Variants in GPRC5A observed in about 807,000 individuals in gnomAD.
GPRC5A encodes the protein G protein-coupled receptor class C group 5 member A.
GPRC5A carries 19 observed loss-of-function variants against 22.5 expected under a neutral mutation model. The ratio of observed to expected loss-of-function variants is 0.85; its 90% CI spans 0.59 to 1.24. GPRC5A has a LOEUF of 1.24. Ranked by LOEUF, GPRC5A falls within the 50% of genes most tolerant of loss-of-function variation. GPRC5A has a pLI of 0.00. For missense variants in GPRC5A, 471 were observed against 451.1 expected (o/e 1.04, Z -0.40); for synonymous variants, 192 against 184.5 (o/e 1.04, Z -0.33).
chr12:12,894,509 A>G (rs950225765), intron 1 of GPRC5A, among the ~76,000 whole-genome samples: 2 of 152,006 alleles, frequency 1.3e-5, no homozygotes, highest in Admixed American at 6.6e-5. Context: ...CCCAAGCTCA[A>G]GTGATCCTCT....
intron 1 of GPRC5A, among the ~76,000 whole-genome samples, chr12:12,898,089 C>T (rs756096278): frequency 2.0e-5 from 3 of 152,192 alleles, no homozygotes; most frequent in African/African-American, 7.2e-5. Context: ...AACCCATATG[C>T]CCACGGTGCA....
chr12:12,894,274 G>A (rs952464405), intron 1 of GPRC5A, among the ~76,000 whole-genome samples: 1 of 152,124 alleles, frequency 6.6e-6, no homozygotes, highest in African/African-American at 2.4e-5. Context: ...TTCTATTTAA[G>A]TATCCATAGA....
chr12:12,912,182 C>G, intron 3 of GPRC5A, 40 bp downstream of exon 3: 1 of 1,360,902 alleles, frequency 7.3e-7, no homozygotes. Context: ...AAGGCATTAG[C>G]ACCTCAGGAA....
chr12:12,906,925 C>T lies in GPRC5A; in HGVS notation c.-7-1318C>T, dbSNP rs531238598. ...ATACAAAATTAGCTGGGCATGTTGG[C>T]GCGTGCCTGTAATCTCAGCTACTCA... is the stretch of plus-strand genomic sequence containing the variant. On this transcript the variant is annotated intron_variant, in intron 1 of 3. Coordinates refer to ENST00000014914, the MANE Select transcript of GPRC5A (RefSeq NM_003979.4). Among the ~76,000 whole-genome samples the T allele has an allele frequency of 8.0e-4, 121 of 152,114 alleles. 1 individual carries two copies. Among genetic ancestry groups the T allele is most frequent in the Admixed American group, 6.4e-3 (98 of 15,270 alleles).
rs141571845 is a variant in GPRC5A at position 12,913,347 on chromosome 12, C to G, written c.*808C>G. On this transcript the variant is annotated 3_prime_UTR_variant, in exon 4 of 4. Transcript: ENST00000014914. ...TCACCCCTCTCTTCTTGCACTGTCCCCAAACTTGCTGTCAATTCCGAGATC... is the reference window on the plus strand; with the variant it reads ...TCACCCCTCTCTTCTTGCACTGTCCGCAAACTTGCTGTCAATTCCGAGATC... 834 of 152,828 alleles carry G rather than the reference C, an allele frequency of 5.5e-3. 6 individuals carry two copies. Among genetic ancestry groups the G allele is most frequent in the African/African-American group, 0.019 (777 of 41,514 alleles). The allele number at this position is 152,828 out of a possible 1,614,324, so 9.5% of individuals were successfully genotyped here.
At chr12:12,892,947 C>G (rs929614692) in intron 1 of GPRC5A, among the ~76,000 whole-genome samples, 2 of 152,036 alleles carry the variant, frequency 1.3e-5, no homozygotes, top group Admixed American at 6.6e-5. Context: ...GTTTGCATGC[C>G]GGTGTCTGCT....
At chr12:12,911,707 C>CTA (rs1468162048) in intron 2 of GPRC5A, among the ~76,000 whole-genome samples, 2 of 152,104 alleles carry the variant, frequency 1.3e-5, no homozygotes, top group East Asian at 3.9e-4. Flanking sequence ...CCAGGATGGT[C>CTA]TCGATCTCCT....
At chr12:12,906,610 T>A (rs1592350500) in intron 1 of GPRC5A, among the ~76,000 whole-genome samples, 1 of 152,152 alleles carries the variant, frequency 6.6e-6, no homozygotes, top group Non-Finnish European at 1.5e-5. Flanking sequence ...AAAATGAACA[T>A]GTTAGCTATG....
At chr12:12,893,464 T>C (rs1863785972) in intron 1 of GPRC5A, among the ~76,000 whole-genome samples, 1 of 152,234 alleles carries the variant, frequency 6.6e-6, no homozygotes, top group African/African-American at 2.4e-5. Flanking sequence ...GTATTTTTGC[T>C]TGAGGAATCT....
chr12:12,906,695 G>T (rs1483828483), intron 1 of GPRC5A, among the ~76,000 whole-genome samples: 1 of 152,188 alleles, frequency 6.6e-6, no homozygotes, highest in African/African-American at 2.4e-5. Context: ...AGCCAATTTA[G>T]AGCTGGTTAT....
At chr12:12,907,223 C>T (rs1863951266) in intron 1 of GPRC5A, among the ~76,000 whole-genome samples, 1 of 151,334 alleles carries the variant, frequency 6.6e-6, no homozygotes, top group Non-Finnish European at 1.5e-5. Context: ...CGGTGAAACC[C>T]CGTCTCTACT....
chr12:12,912,746 T>G lies in GPRC5A; in HGVS notation c.*207T>G. ...TCCAGTTCTTAGAGGCGCTGTAGTATTTTTTTTTTTTTGTCTCATCCTTTG... is the reference window on the plus strand; with the variant it reads ...TCCAGTTCTTAGAGGCGCTGTAGTAGTTTTTTTTTTTTGTCTCATCCTTTG... On this transcript the variant is annotated 3_prime_UTR_variant, in exon 4 of 4. Coordinates refer to ENST00000014914, the MANE Select transcript of GPRC5A (RefSeq NM_003979.4). The G allele has an allele frequency of 1.9e-5, 2 of 103,450 alleles. No homozygotes were observed. Among genetic ancestry groups the G allele is most frequent in the Non-Finnish European group, 1.7e-5 (1 of 59,012 alleles). 6.4% of individuals were successfully genotyped at this position (103,450 alleles called of 1,614,324 possible).
At chr12:12,900,371 G>T (rs955146255) in intron 1 of GPRC5A, among the ~76,000 whole-genome samples, 1 of 152,220 alleles carries the variant, frequency 6.6e-6, no homozygotes. Context: ...TTCAGACCAC[G>T]TAGTTCAGCA....
At chr12:12,912,426 A>G in intron 3 of GPRC5A, 21 bp from the exon 4 acceptor site, 1 of 1,511,890 alleles carries the variant, frequency 6.6e-7, no homozygotes, top group Non-Finnish European at 9.2e-7. Context: ...GGGTTTCACG[A>G]TATGACTGTT....
chr12:12,909,450 G>A (rs1336913295), intron 2 of GPRC5A: 1 of 352,710 alleles, frequency 2.8e-6, no homozygotes, highest in African/African-American at 2.1e-5. Context: ...GTAATTTCCT[G>A]TGGGGCAGAA....
rs1689072840 is a variant in GPRC5A, at chr12:12,917,239, TG to T, written c.*4701del. 1 of 123,812 alleles carries T rather than the reference TG, an allele frequency of 8.1e-6. No homozygotes were observed. Among genetic ancestry groups the T allele is most frequent in the Non-Finnish European group, 1.7e-5 (1 of 60,518 alleles). The allele number at this position is 123,812 out of a possible 1,614,324, so 7.7% of individuals were successfully genotyped here. ...GTGTGTGTGTGTGTGTGTGTGTGTG[TG>T]TGTGTGTGTGTGCGTGCGTGCGTGT... is the stretch of plus-strand genomic sequence containing the variant. On this transcript the variant is annotated 3_prime_UTR_variant, in exon 4 of 4. Coordinates refer to ENST00000014914, the MANE Select transcript of GPRC5A (RefSeq NM_003979.4).
chr12:12,896,104 C>A (rs1255441158), intron 1 of GPRC5A, among the ~76,000 whole-genome samples: 1 of 151,292 alleles, frequency 6.6e-6, no homozygotes. Flanking sequence ...GATTTAGAAG[C>A]TTCACTCAAA....
rs141850199 is a variant in GPRC5A at position 12,905,804 on chromosome 12, C to T, written c.-7-2439C>T. On this transcript the variant is annotated intron_variant, in intron 1 of 3. Transcript: ENST00000014914. The stretch of plus-strand genomic sequence containing the variant: ...TAGGGGCAGAGAAAGAAGCCTTTCT[C>T]CTGACAAAGGACAGATATATGGGAA... Among the ~76,000 whole-genome samples the T allele has an allele frequency of 4.5e-4, 69 of 152,254 alleles. 2 individuals carry two copies. In the South Asian group the frequency reaches 1.0e-2, roughly 22 times the overall value.
chr12:12,900,412 G>A (rs1863869010), intron 1 of GPRC5A, among the ~76,000 whole-genome samples: 1 of 152,180 alleles, frequency 6.6e-6, no homozygotes, highest in Non-Finnish European at 1.5e-5. Context: ...ATGAGAGGAG[G>A]CTTTGAGAGG....
Sources: gnomAD v4.1 joint callset for allele counts (sites outside exome capture counted in the v4.1 genomes callset) on GRCh38, gnomAD v4.1.1 for gene constraint, MANE v1.5 for transcripts, NCBI Gene and HGNC (gene_info 2026-07-23, HGNC 2026-07-21) for gene names.